MICU1: variants seen among roughly 807,000 people sequenced by gnomAD.
MICU1 encodes the protein mitochondrial calcium uptake 1, also known as calcium uptake protein 1, mitochondrial.
Under a neutral mutation model 56.8 loss-of-function variants are expected in MICU1, and 45 were observed. The ratio of observed to expected loss-of-function variants is 0.79; its 90% CI spans 0.62 to 1.02. The LOEUF is 1.02. Among genes scored for constraint, MICU1 ranks in the 50% least tolerant of loss-of-function variants. The probability of loss-of-function intolerance (pLI) is 0.00; values close to 1 mark genes in which losing one functional copy is unlikely to be tolerated. For missense variants in MICU1, 504 were observed against 587.1 expected, an observed-to-expected ratio of 0.86 and a Z score of 1.46; for synonymous variants, 186 against 195.1, an observed-to-expected ratio of 0.95 and a Z score of 0.39.
chr10:72,468,442 TA>T (rs1865860034), intron 8 of MICU1, among the ~76,000 whole-genome samples: 1 of 152,042 alleles, frequency 6.6e-6, no homozygotes. Flanking sequence ...TCAATGAATA[TA>T]TTAACTGGAA....
intron 6 of MICU1, among the ~76,000 whole-genome samples, chr10:72,496,004 T>A (rs993205369): frequency 6.6e-6 from 1 of 152,032 alleles, no homozygotes; most frequent in Non-Finnish European, 1.5e-5. Context: ...TCCTGCTCTG[T>A]CACCCAGGCT....
chr10:72,484,183 C>T (rs1866390370), intron 6 of MICU1, among the ~76,000 whole-genome samples: 1 of 151,956 alleles, frequency 6.6e-6, no homozygotes, highest in Admixed American at 6.6e-5. Context: ...ATCTAGTTTC[C>T]CATATGATGT....
intron 5 of MICU1, among the ~76,000 whole-genome samples, chr10:72,516,342 T>A (rs1376107095): frequency 2.0e-5 from 3 of 152,216 alleles, no homozygotes; most frequent in Non-Finnish European, 4.4e-5. Context: ...TAGCCCTTTG[T>A]CAGATGGATA....
intron 6 of MICU1, among the ~76,000 whole-genome samples, chr10:72,490,994 G>T (rs1866636094): frequency 6.6e-6 from 1 of 152,120 alleles, no homozygotes; most frequent in Non-Finnish European, 1.5e-5. Flanking sequence ...TCCACCACTG[G>T]AAAGCCTAAG....
intron 5 of MICU1, among the ~76,000 whole-genome samples, chr10:72,516,028 TG>T (rs1867635288): frequency 6.6e-6 from 1 of 152,222 alleles, no homozygotes; most frequent in Non-Finnish European, 1.5e-5. Context: ...TATTTTATTC[TG>T]ATCATTACAA....
chr10:72,607,872 T>C (rs1444810297), intron 1 of MICU1, among the ~76,000 whole-genome samples: 2 of 151,964 alleles, frequency 1.3e-5, no homozygotes. Context: ...CTACACTAAC[T>C]CTAGTTAGTA....
intron 6 of MICU1, among the ~76,000 whole-genome samples, chr10:72,480,932 T>C (rs1866274965): frequency 6.6e-6 from 1 of 152,190 alleles, no homozygotes; most frequent in Non-Finnish European, 1.5e-5. Flanking sequence ...ATGCTTGAGG[T>C]TTCTCTGTCT....
intron 10 of MICU1, among the ~76,000 whole-genome samples, chr10:72,386,447 G>T (rs564250638): frequency 8.5e-5 from 13 of 152,156 alleles, no homozygotes; most frequent in African/African-American, 2.9e-4. Context: ...CTCCTAAAGT[G>T]CTGGGATTAC....
intron 6 of MICU1, among the ~76,000 whole-genome samples, chr10:72,506,254 G>A (rs559943993): frequency 3.3e-5 from 5 of 152,270 alleles, no homozygotes; most frequent in South Asian, 2.1e-4. Flanking sequence ...GGAGCTATGC[G>A]ATGTACCAGG....
At chr10:72,374,027 AC>A (rs1363579574) in intron 11 of MICU1, among the ~76,000 whole-genome samples, 2 of 152,224 alleles carry the variant, frequency 1.3e-5, no homozygotes. Flanking sequence ...ACCCACCCCT[AC>A]CTGAGAGTGA....
rs111957324 is a variant in MICU1, at chr10:72,407,721, A to C, written c.1180+208T>G. ...GTCATTTAAAGATAGGCACCTGCCC[A>C]GACTACGGCCTTAGCACAAGAAAAT... On this transcript the variant is annotated intron_variant, in intron 10 of 11. Coordinates refer to ENST00000361114, the MANE Select transcript of MICU1 (RefSeq NM_001195518.2). Among the ~76,000 whole-genome samples the C allele has an allele frequency of 0.041, 6,297 of 152,244 alleles. 430 individuals carry two copies. Among genetic ancestry groups the C allele is most frequent in the African/African-American group, 0.14 (5,926 of 41,510 alleles).
intron 4 of MICU1, among the ~76,000 whole-genome samples, chr10:72,548,697 A>C (rs1258802868): frequency 6.6e-6 from 1 of 151,946 alleles, no homozygotes; most frequent in Non-Finnish European, 1.5e-5. Context: ...TTGTATTTCT[A>C]TCTCTCTCTC....
chr10:72,585,989 TTTTTATTTTTTC>T (rs1841040444), intron 1 of MICU1, among the ~76,000 whole-genome samples: 1 of 148,370 alleles, frequency 6.7e-6, no homozygotes, highest in East Asian at 1.9e-4. Context: ...CATTGTATTG[TTTTTATTTTTTC>T]TTTTTTTTTT....
intron 8 of MICU1, among the ~76,000 whole-genome samples, chr10:72,461,218 T>C (rs751805131): frequency 7.9e-5 from 12 of 152,344 alleles, no homozygotes; most frequent in South Asian, 2.1e-4. Flanking sequence ...AATTTAAGCC[T>C]GGCTTGGGAC....
chr10:72,383,182 T>A (rs138087426), intron 10 of MICU1, among the ~76,000 whole-genome samples: 1,597 of 149,580 alleles, frequency 0.011, 8 homozygotes, highest in Non-Finnish European at 0.019. Context: ...GGAGTTCAAG[T>A]CTGCAGTGAG....
At chr10:72,456,579 TGA>T (rs1564880403) in intron 8 of MICU1, among the ~76,000 whole-genome samples, 1 of 152,206 alleles carries the variant, frequency 6.6e-6, no homozygotes, top group Non-Finnish European at 1.5e-5. Context: ...TAAAATCTCA[TGA>T]GAGACAGCCA....
intron 8 of MICU1, among the ~76,000 whole-genome samples, chr10:72,425,782 C>T (rs907427498): frequency 7.2e-5 from 11 of 152,036 alleles, no homozygotes; most frequent in Non-Finnish European, 1.5e-4. Context: ...TTTCTTTACA[C>T]GCAAAACTGC....
At chr10:72,613,688 AAC>A (rs1477142641) in intron 1 of MICU1, among the ~76,000 whole-genome samples, 2 of 152,150 alleles carry the variant, frequency 1.3e-5, no homozygotes, top group African/African-American at 4.8e-5. Flanking sequence ...CTAATACTAG[AAC>A]ACATACAAAC....
intron 1 of MICU1, among the ~76,000 whole-genome samples, chr10:72,572,179 C>T (rs187015436): frequency 6.6e-6 from 1 of 152,206 alleles, no homozygotes; most frequent in East Asian, 1.9e-4. Context: ...CGTAGGTGAG[C>T]TTAGGGTTCC....
Sources: allele counts gnomAD v4.1 joint callset (sites outside exome capture counted in the v4.1 genomes callset), GRCh38; gene constraint gnomAD v4.1.1; transcripts MANE v1.5; gene names NCBI Gene and HGNC (gene_info 2026-07-23, HGNC 2026-07-21).